The following ZNF536 variants were observed in gnomAD, a reference collection of about 807,000 sequenced individuals.
The protein encoded by ZNF536 is zinc finger protein 536.
A neutral mutation model predicts 84.5 loss-of-function variants in ZNF536; 13 were observed. That is an observed-to-expected ratio of 0.15 (90% confidence interval 0.10 to 0.24). ZNF536 has a LOEUF of 0.24. ZNF536 is among the 10% of genes least tolerant of loss of function. The pLI is 1.00. For missense variants in ZNF536, 1,536 were observed against 1,747.5 expected (o/e 0.88, Z 2.16); for synonymous variants, 811 against 742.5 (o/e 1.09, Z -1.50).
At chr19:30,347,983 G>A (rs1041042835) in intron 2 of ZNF536, among the ~76,000 whole-genome samples, 29 of 152,322 alleles carry the variant, frequency 1.9e-4, no homozygotes, top group African/African-American at 5.1e-4. Flanking sequence ...TGCTGGAGAC[G>A]CCCATGTGTG....
At position 30,449,951 on chromosome 19, in the gene ZNF536, C is replaced by G. The variant is rs116270628; in HGVS notation, c.2170+4219C>G. On this transcript the variant is annotated intron_variant, in intron 2 of 4. Coordinates refer to ENST00000355537, the MANE Select transcript of ZNF536 (RefSeq NM_014717.3). ...TTCCACCTCTTTTTCTCATGTGGCTCCCCCTCCCTGCCCCCGTTCACGATA... is the reference window on the plus strand; with the variant it reads ...TTCCACCTCTTTTTCTCATGTGGCTGCCCCTCCCTGCCCCCGTTCACGATA... Among the ~76,000 whole-genome samples, 1,303 of 152,080 alleles carry G rather than the reference C, an allele frequency of 8.6e-3. 21 individuals carry two copies. Among genetic ancestry groups the G allele is most frequent in the African/African-American group, 0.03 (1,231 of 41,476 alleles).
At chr19:30,387,453 T>G (rs1350436256) in intron 1 of ZNF536, among the ~76,000 whole-genome samples, 1 of 152,110 alleles carries the variant, frequency 6.6e-6, no homozygotes. Context: ...CCTCCCATGG[T>G]TGACGGCGGT....
intron 1 of ZNF536, among the ~76,000 whole-genome samples, chr19:30,432,139 G>A (rs578066844): frequency 1.3e-5 from 2 of 152,138 alleles, no homozygotes; most frequent in African/African-American, 2.4e-5. Flanking sequence ...GAATTAGGGG[G>A]CTATCTCCTT....
intron 1 of ZNF536, among the ~76,000 whole-genome samples, chr19:30,400,935 AG>A (rs2147501837): frequency 6.6e-6 from 1 of 152,342 alleles, no homozygotes. Flanking sequence ...CCATTTGCCC[AG>A]GACCTAGGTT....
chr19:30,261,847 G>T (rs1465293766), intron 1 of ZNF536, among the ~76,000 whole-genome samples: 1 of 152,196 alleles, frequency 6.6e-6, no homozygotes, highest in East Asian at 1.9e-4. Context: ...GGAATGGGCT[G>T]AGGGTGGCCA....
At chr19:30,610,006 TCATC>T (rs1036721408) in intron 1 of ZNF536, among the ~76,000 whole-genome samples, 1 of 148,446 alleles carries the variant, frequency 6.7e-6, no homozygotes, top group Non-Finnish European at 1.5e-5. Context: ...ATCTATCCAT[TCATC>T]CATCCATCCA....
At chr19:30,496,312 T>C (rs1361191628) in intron 2 of ZNF536, among the ~76,000 whole-genome samples, 1 of 152,198 alleles carries the variant, frequency 6.6e-6, no homozygotes, top group Non-Finnish European at 1.5e-5. Context: ...CTCAGCCGGA[T>C]TGCCAGCTCT....
At chr19:30,565,277 G>T (rs2046311534) in intron 1 of ZNF536, among the ~76,000 whole-genome samples, 1 of 151,952 alleles carries the variant, frequency 6.6e-6, no homozygotes, top group South Asian at 2.1e-4. Context: ...CAAGGGTAAG[G>T]TCAGCTGAGT....
intron 1 of ZNF536, among the ~76,000 whole-genome samples, chr19:30,380,887 T>A (rs1055241738): frequency 1.3e-5 from 2 of 152,212 alleles, no homozygotes; most frequent in Non-Finnish European, 2.9e-5. Context: ...TTTTAATTTT[T>A]AATTTTAGAG....
chr19:30,410,339 A>T (rs1172982284), intron 1 of ZNF536, among the ~76,000 whole-genome samples: 1 of 152,070 alleles, frequency 6.6e-6, no homozygotes, highest in Non-Finnish European at 1.5e-5. Context: ...AGATTTTAAA[A>T]TTACATTTTC....
At chr19:30,558,333 T>TCCA, downstream of ZNF536, among the ~76,000 whole-genome samples, 1 of 152,092 alleles carries the variant, frequency 6.6e-6, no homozygotes. Context: ...GGCCCGTTTC[T>TCCA]CTGTACAAGT....
intron 2 of ZNF536, among the ~76,000 whole-genome samples, chr19:30,484,519 A>T (rs1328080672): frequency 1.3e-5 from 2 of 150,710 alleles, no homozygotes; most frequent in East Asian, 4.0e-4. Context: ...TACAGGCGTG[A>T]GCCACCGCAT....
intron 2 of ZNF536, among the ~76,000 whole-genome samples, chr19:30,329,307 A>G (rs2047134793): frequency 6.6e-6 from 1 of 152,070 alleles, no homozygotes; most frequent in Non-Finnish European, 1.5e-5. Context: ...CTGAAAACAT[A>G]TCCTTTGTAC....
At chr19:30,346,154 A>G (rs1297174572) in intron 2 of ZNF536, among the ~76,000 whole-genome samples, 1 of 152,152 alleles carries the variant, frequency 6.6e-6, no homozygotes, top group East Asian at 1.9e-4. Context: ...GTTTCCAAGG[A>G]GACACCTTGG....
rs1421473169 is a variant in ZNF536, at chr19:30,444,355, G to A, written c.793G>A (p.Glu265Lys). The A allele has an allele frequency of 1.2e-6, 2 of 1,600,746 alleles. No individual in the cohort carries two copies. The highest frequency in any genetic ancestry group is 2.2e-5 in the East Asian group (1 of 44,792). The change falls in exon 2 of 5, where the codon GAG becomes AAG. Residue 265 changes from glutamate (E) to lysine (K), a missense_variant. This residue lies in a region of ZNF536 where 138 missense variants were observed against 136.8 expected (regional missense o/e 1.01). Coordinates refer to ENST00000355537, the MANE Select transcript of ZNF536 (RefSeq NM_014717.3). ...VPSPKPASVQ[E>K]DAVAPAAGFR... ...CTCGCCCAAGCCTGCCAGCGTGCAG[G>A]AGGACGCGGTGGCCCCGGCGGCGGG...
intron 2 of ZNF536, among the ~76,000 whole-genome samples, chr19:30,469,840 T>C (rs2053560737): frequency 6.6e-6 from 1 of 151,868 alleles, no homozygotes; most frequent in African/African-American, 2.4e-5. Flanking sequence ...TCGGTGCAGG[T>C]TGTAGAGGGG....
intron 2 of ZNF536, among the ~76,000 whole-genome samples, chr19:30,513,125 A>T (rs2055486981): frequency 6.6e-6 from 1 of 152,004 alleles, no homozygotes; most frequent in Non-Finnish European, 1.5e-5. Flanking sequence ...AATGGAAAGC[A>T]TTTTTTTTAT....
intron 1 of ZNF536, among the ~76,000 whole-genome samples, chr19:30,383,088 G>A (rs4805558): frequency 0.34 from 52,067 of 152,048 alleles, 9,346 homozygotes; most frequent in Middle Eastern, 0.54. Flanking sequence ...TCGGGAGTTC[G>A]AGACCAGTCT....
chr19:30,399,280 A>G (rs1467177995), intron 1 of ZNF536, among the ~76,000 whole-genome samples: 1 of 151,518 alleles, frequency 6.6e-6, no homozygotes, highest in Non-Finnish European at 1.5e-5. Context: ...TTTTCTTGTA[A>G]TTTTGTTTAA....
Sources: allele counts gnomAD v4.1 joint callset (sites outside exome capture counted in the v4.1 genomes callset), GRCh38; gene constraint gnomAD v4.1.1; regional missense constraint gnomAD v4.1.1; transcripts MANE v1.5; gene names NCBI Gene and HGNC (gene_info 2026-07-23, HGNC 2026-07-21).